The following ZBTB8A variants were observed in gnomAD, a reference collection of about 807,000 sequenced individuals.
ZBTB8A encodes zinc finger and BTB domain-containing protein 8A.
ZBTB8A carries 19 observed loss-of-function variants against 37.8 expected under a neutral mutation model. The observed-to-expected ratio is 0.50, with a 90% CI of 0.35 to 0.74. The LOEUF is 0.74. Ranked by LOEUF, ZBTB8A falls within the 30% of genes least tolerant of loss-of-function variation. The probability of loss-of-function intolerance (pLI) is 0.01; values close to 1 mark genes in which losing one functional copy is unlikely to be tolerated. For synonymous variants in ZBTB8A, 181 were observed against 185.2 expected (o/e 0.98, Z 0.19); for missense variants, 394 against 537.8 (o/e 0.73, Z 2.65).
At position 32,602,163 on chromosome 1, in the gene ZBTB8A, T is replaced by C. The variant is rs1473010630; in HGVS notation, c.*1744T>C. 1 of 151,964 alleles carries C rather than the reference T, an allele frequency of 6.6e-6. No homozygotes were observed. Among genetic ancestry groups the C allele is most frequent in the African/African-American group, 2.4e-5 (1 of 41,332 alleles). The allele number at this position is 151,964 out of a possible 1,614,324, so 9.4% of individuals were successfully genotyped here. A position where few individuals can be genotyped will look rare whatever the true frequency, so the allele number is the denominator to read the frequency against. ...GACCAACATGGAGAAACCCCGTCTC[T>C]ACTAAAAATACAAAATTAGCCGGGC... On this transcript the variant is annotated 3_prime_UTR_variant, in exon 5 of 5. Coordinates refer to ENST00000373510, the MANE Select transcript of ZBTB8A (RefSeq NM_001040441.3).
intron 1 of ZBTB8A, among the ~76,000 whole-genome samples, chr1:32,552,977 CTAT>C (rs1226218757): frequency 2.0e-5 from 3 of 149,430 alleles, no homozygotes; most frequent in East Asian, 1.9e-4. Flanking sequence ...TTTCTATTAA[CTAT>C]TATTAACTAT....
At chr1:32,563,672 C>G (rs1200640795) in intron 2 of ZBTB8A, among the ~76,000 whole-genome samples, 1 of 152,110 alleles carries the variant, frequency 6.6e-6, no homozygotes, top group East Asian at 1.9e-4. Context: ...GGAGTTTCAT[C>G]ATCTTGGCCA....
rs1644171414 is a variant in ZBTB8A, at chr1:32,553,222, G to A, written c.-83-237G>A. Among the ~76,000 whole-genome samples, 2 of 151,948 alleles carry A rather than the reference G, an allele frequency of 1.3e-5. 1 individual carries two copies. Among genetic ancestry groups the A allele is most frequent in the East Asian group, 3.9e-4 (2 of 5,174 alleles). ...TTACAGGCACCTGCCACCATGCCCAGCTAATTTTTGTATACTTAATAGAGA... is the reference window on the plus strand; with the variant it reads ...TTACAGGCACCTGCCACCATGCCCAACTAATTTTTGTATACTTAATAGAGA... On this transcript the variant is annotated intron_variant, in intron 1 of 4. Transcript: ENST00000373510.
intron 2 of ZBTB8A, among the ~76,000 whole-genome samples, chr1:32,560,872 C>T (rs1205620216): frequency 1.6e-4 from 24 of 151,990 alleles, no homozygotes; most frequent in African/African-American, 4.8e-4. Flanking sequence ...GTGATCTGCC[C>T]ACCTTGGCCT....
At chr1:32,575,744 CG>C (rs931452030) in intron 2 of ZBTB8A, among the ~76,000 whole-genome samples, 5 of 151,430 alleles carry the variant, frequency 3.3e-5, no homozygotes, top group South Asian at 2.1e-4. Flanking sequence ...CCCAGCTACT[CG>C]GGGGGCTGAG....
chr1:32,598,059 C>A (rs967498029), intron 4 of ZBTB8A, among the ~76,000 whole-genome samples: 1 of 151,140 alleles, frequency 6.6e-6, no homozygotes, highest in Non-Finnish European at 1.5e-5. Context: ...CAGCCTAATA[C>A]GCATAATATT....
rs374357590 is a variant in ZBTB8A, at chr1:32,568,629, G to A, written c.-2+15089G>A. Among the ~76,000 whole-genome samples, 323 of 152,114 alleles carry A rather than the reference G, an allele frequency of 2.1e-3. 2 individuals carry two copies. The highest frequency in any genetic ancestry group is 7.3e-3 in the African/African-American group (301 of 41,506). On this transcript the variant is annotated intron_variant, in intron 2 of 4. Coordinates refer to ENST00000373510, the MANE Select transcript of ZBTB8A (RefSeq NM_001040441.3). ...TCTCGATCTCCTAACCTCGTGATCC[G>A]CCCGCCTCGGCCTCCCAAAGTGCTG...
At chr1:32,544,504 C>G (rs1484998546) in intron 1 of ZBTB8A, among the ~76,000 whole-genome samples, 1 of 152,200 alleles carries the variant, frequency 6.6e-6, no homozygotes, top group Non-Finnish European at 1.5e-5. Context: ...CAAGACAAGC[C>G]TGGCCAACAT....
At chr1:32,551,366 G>A (rs1342139834) in intron 1 of ZBTB8A, among the ~76,000 whole-genome samples, 1 of 152,010 alleles carries the variant, frequency 6.6e-6, no homozygotes, top group Non-Finnish European at 1.5e-5. Context: ...GGGCCATAAT[G>A]AGCCATGGTC....
chr1:32,574,465 C>CT (rs1644345664), intron 2 of ZBTB8A, among the ~76,000 whole-genome samples: 2 of 152,176 alleles, frequency 1.3e-5, no homozygotes, highest in South Asian at 4.1e-4. Context: ...GGTGTGGTGG[C>CT]ATGCACCTGT....
Position 32,543,511 on chromosome 1 carries a change from T to C in ZBTB8A, c.-84+3939T>C, listed in dbSNP as rs182113137. Among the ~76,000 whole-genome samples, 12 of 152,292 alleles carry C rather than the reference T, an allele frequency of 7.9e-5. No homozygotes were observed. In the East Asian group the frequency reaches 2.3e-3, roughly 29 times the overall value. ...CTCCAGAACATTTTCATCATTTGCA[T>C]AAAGAAACCCCATGCCTGTTAACAG... On this transcript the variant is annotated intron_variant, in intron 1 of 4. Transcript: ENST00000373510.
intron 2 of ZBTB8A, among the ~76,000 whole-genome samples, chr1:32,566,461 A>C (rs1644280150): frequency 6.7e-6 from 1 of 148,298 alleles, no homozygotes; most frequent in Non-Finnish European, 1.5e-5. Flanking sequence ...GGAAGTCAAG[A>C]CTGCAATGAG....
intron 1 of ZBTB8A, among the ~76,000 whole-genome samples, chr1:32,552,633 T>A (rs1644165911): frequency 6.6e-6 from 1 of 151,726 alleles, no homozygotes; most frequent in Admixed American, 6.6e-5. Context: ...GCCATTTCAC[T>A]CCAGCCTGGG....
chr1:32,588,579 G>T (rs1644465330), intron 2 of ZBTB8A, among the ~76,000 whole-genome samples: 2 of 151,950 alleles, frequency 1.3e-5, no homozygotes, highest in Admixed American at 6.6e-5. Flanking sequence ...GTGTCCTGGT[G>T]GTCAAATGAA....
At position 32,597,255 on chromosome 1, in the gene ZBTB8A, A is replaced by G. The variant is rs562639813; in HGVS notation, c.993+2032A>G. Among the ~76,000 whole-genome samples, 9 of 152,278 alleles carry G rather than the reference A, an allele frequency of 5.9e-5. No individual in the cohort carries two copies. In the East Asian group the frequency reaches 1.7e-3, roughly 29 times the overall value. On this transcript the variant is annotated intron_variant, in intron 4 of 4. Transcript: ENST00000373510. ...AGTGATCCATCCACCTCGGCCTCCC[A>G]AAGTACTGGGATTACAGGCGTGAGC...
chr1:32,575,148 G>A (rs1644349954), intron 2 of ZBTB8A, among the ~76,000 whole-genome samples: 1 of 146,186 alleles, frequency 6.8e-6, no homozygotes, highest in African/African-American at 2.5e-5. Flanking sequence ...GGATTTAAGT[G>A]TACTGTCTTG....
At chr1:32,598,342 C>G (rs963570259) in intron 4 of ZBTB8A, among the ~76,000 whole-genome samples, 4 of 149,644 alleles carry the variant, frequency 2.7e-5, no homozygotes, top group African/African-American at 9.8e-5. Flanking sequence ...AAGTGATTCT[C>G]CTGCCTCAGC....
Position 32,547,858 on chromosome 1 carries a change from G to A in ZBTB8A, c.-83-5601G>A, listed in dbSNP as rs1386766515. On this transcript the variant is annotated intron_variant, in intron 1 of 4. Coordinates refer to ENST00000373510, the MANE Select transcript of ZBTB8A (RefSeq NM_001040441.3). Reference sequence around the variant, plus strand: ...AAAAAAAAAAAAAAAAAAAGACCAGGCGCAGTGGCTCACACTTGTAATCCC... The same window carrying A: ...AAAAAAAAAAAAAAAAAAAGACCAGACGCAGTGGCTCACACTTGTAATCCC... Among the ~76,000 whole-genome samples the A allele has an allele frequency of 2.1e-5, 3 of 144,488 alleles. No homozygotes were observed. The East Asian group carries it at 6.0e-4, about 29-fold the overall frequency. The allele number at this position is 144,488 out of a possible 152,430, so 94.8% of individuals were successfully genotyped here. A position where few individuals can be genotyped will look rare whatever the true frequency, so the allele number is the denominator to read the frequency against.
chr1:32,543,393 A>G (rs1384001570), intron 1 of ZBTB8A, among the ~76,000 whole-genome samples: 29 of 152,030 alleles, frequency 1.9e-4, no homozygotes, highest in Non-Finnish European at 5.9e-5. Context: ...CCTGAGATAT[A>G]ACTCTTACGC....
Sources: gnomAD v4.1 joint callset for allele counts (sites outside exome capture counted in the v4.1 genomes callset) on GRCh38, gnomAD v4.1.1 for gene constraint, MANE v1.5 for transcripts, NCBI Gene and HGNC (gene_info 2026-07-23, HGNC 2026-07-21) for gene names.